SRGAP3: variants seen among roughly 807,000 people sequenced by gnomAD.
The protein encoded by SRGAP3 is SLIT-ROBO Rho GTPase-activating protein 3.
Under a neutral mutation model 121.1 loss-of-function variants are expected in SRGAP3, and 39 were observed. That is an observed-to-expected ratio of 0.32 (90% CI 0.25 to 0.42). The LOEUF (loss-of-function observed/expected upper bound fraction) is 0.42. SRGAP3 is among the 10% of genes least tolerant of loss of function. The pLI is 1.00. For synonymous variants in SRGAP3, 601 were observed against 570.0 expected (o/e 1.05, Z -0.77); for missense variants, 1,213 against 1,470.6 (o/e 0.82, Z 2.86).
intron 1 of SRGAP3, among the ~76,000 whole-genome samples, chr3:9,166,646 T>C (rs1372603218): frequency 2.6e-5 from 4 of 152,058 alleles, no homozygotes; most frequent in East Asian, 1.9e-4. Context: ...CAGAGAGAAA[T>C]TGACTTCTAT....
intron 1 of SRGAP3, among the ~76,000 whole-genome samples, chr3:9,163,557 C>T (rs1950675701): frequency 6.6e-6 from 1 of 152,142 alleles, no homozygotes; most frequent in South Asian, 2.1e-4. Flanking sequence ...CCACTCAGGC[C>T]CAGCTAGAAG....
chr3:9,151,268 G>A (rs1033292850), intron 1 of SRGAP3, among the ~76,000 whole-genome samples: 4 of 152,160 alleles, frequency 2.6e-5, no homozygotes, highest in South Asian at 2.1e-4. Flanking sequence ...GCATACGGGG[G>A]AAGGAAGCAG....
At chr3:9,310,451 C>T (rs999192248) in intron 3 of SRGAP3, among the ~76,000 whole-genome samples, 2 of 152,172 alleles carry the variant, frequency 1.3e-5, no homozygotes, top group African/African-American at 2.4e-5. Context: ...TGTATCCCAT[C>T]TTTGACCACA....
intron 1 of SRGAP3, among the ~76,000 whole-genome samples, chr3:9,133,580 G>C (rs1329537054): frequency 2.0e-5 from 3 of 152,040 alleles, no homozygotes; most frequent in African/African-American, 7.2e-5. Context: ...TCCACTGTAA[G>C]TTTTTTTTAG....
At chr3:9,303,270 C>T (rs751759069) in intron 3 of SRGAP3, among the ~76,000 whole-genome samples, 43 of 152,002 alleles carry the variant, frequency 2.8e-4, no homozygotes, top group Admixed American at 7.9e-4. Context: ...ACTAAAAGTA[C>T]GCAAATTAGC....
At chr3:9,161,233 T>TC (rs1160559218) in intron 1 of SRGAP3, among the ~76,000 whole-genome samples, 1 of 152,216 alleles carries the variant, frequency 6.6e-6, no homozygotes, top group Non-Finnish European at 1.5e-5. Context: ...ACCACCTTAA[T>TC]CAACTGATAA....
intron 1 of SRGAP3, among the ~76,000 whole-genome samples, chr3:9,158,488 C>G (rs537934851): frequency 6.6e-6 from 1 of 152,288 alleles, no homozygotes; most frequent in East Asian, 1.9e-4. Flanking sequence ...GCTGTTTGAA[C>G]AATCATGTTC....
chr3:9,026,194 C>T (rs2125070748), intron 13 of SRGAP3, among the ~76,000 whole-genome samples: 1 of 152,350 alleles, frequency 6.6e-6, no homozygotes, highest in South Asian at 2.1e-4. Context: ...TCGGAGAAAT[C>T]TCTCCTCACC....
chr3:9,192,119 T>C (rs1035549777), intron 1 of SRGAP3, among the ~76,000 whole-genome samples: 5 of 152,160 alleles, frequency 3.3e-5, no homozygotes, highest in Admixed American at 2.6e-4. Flanking sequence ...ATCGTGGATG[T>C]GAGGTATGCA....
intron 11 of SRGAP3, chr3:9,036,185 T>A (rs1417425607): frequency 1.3e-5 from 2 of 152,168 alleles, no homozygotes; most frequent in Non-Finnish European, 2.9e-5. Context: ...CAACACCAGT[T>A]CCTCTATACA....
chr3:9,223,912 T>C (rs556887449), intron 1 of SRGAP3, among the ~76,000 whole-genome samples: 2 of 152,340 alleles, frequency 1.3e-5, no homozygotes, highest in East Asian at 3.9e-4. Flanking sequence ...TGATTCTGGA[T>C]GGAAGACAGG....
At position 9,037,851 on chromosome 3, in the gene SRGAP3, TC is replaced by T; in HGVS notation, c.1436+211del. The T allele has an allele frequency of 4.7e-6, 3 of 640,756 alleles. No individual in the cohort carries two copies. In the South Asian group the frequency reaches 5.8e-5, roughly 12 times the overall value. 39.7% of individuals were successfully genotyped at this position (640,756 alleles called of 1,614,324 possible). ...AGCAGCCCCAAAAGCGCCCCTTCCA[TC>T]GCCAGCCTGGAGGGGCGTGGCTTTG... On this transcript the variant is annotated intron_variant, in intron 11 of 21. Transcript: ENST00000383836.
chr3:8,985,878 G>A lies in SRGAP3; in HGVS notation c.2941C>T (p.Gln981Ter). ...TCTGGCGCCTGCTTGACCGTGTTCT[G>A]CCTCTCGAGTTCCCGCAACTCGTGC... The part of the protein sequence containing the change: ...ALHELRELER[Q>*]NTVKQAPDVV... Residue 981 changes from glutamine (Q) to a stop codon, truncating the protein, a stop_gained, in exon 22 of 22, where the codon CAG becomes TAG. Transcript: ENST00000383836. LOFTEE classifies it high-confidence loss of function. The surrounding 1 kb of genome is among the most constrained non-coding windows in gnomAD (Gnocchi z 5.1). 6.3e-7 allele frequency: 1 copy of A among 1,599,976 alleles called. No homozygotes were observed. Among genetic ancestry groups the A allele is most frequent in the Non-Finnish European group, 8.5e-7 (1 of 1,179,922 alleles).
intron 11 of SRGAP3, chr3:9,035,548 G>A (rs192840543): frequency 3.8e-5 from 7 of 184,428 alleles, no homozygotes; most frequent in South Asian, 2.0e-4. Flanking sequence ...GGGGCAGCTC[G>A]GCCAAGGAAA....
chr3:9,038,704 C>T (rs2125112374), intron 10 of SRGAP3, among the ~76,000 whole-genome samples: 1 of 152,304 alleles, frequency 6.6e-6, no homozygotes, highest in Admixed American at 6.5e-5. Flanking sequence ...ATGTGCATGC[C>T]TCCACGAGGC....
intron 13 of SRGAP3, among the ~76,000 whole-genome samples, chr3:9,026,351 C>T (rs1244051744): frequency 6.6e-6 from 1 of 152,168 alleles, no homozygotes; most frequent in Non-Finnish European, 1.5e-5. Context: ...GTAAGCTATG[C>T]AGGGCAGGCA....
chr3:9,166,669 T>C (rs922127822), intron 1 of SRGAP3, among the ~76,000 whole-genome samples: 26 of 152,218 alleles, frequency 1.7e-4, no homozygotes, highest in African/African-American at 6.0e-4. Flanking sequence ...TATTCAAGCA[T>C]AGTACTTTGG....
intron 15 of SRGAP3, 130 bp from the exon 16 acceptor site, chr3:9,013,972 TCACAG>T (rs1943503882): frequency 1.2e-6 from 1 of 822,842 alleles, no homozygotes; most frequent in Non-Finnish European, 2.1e-6. Flanking sequence ...ATTCCAGGGA[TCACAG>T]GTGATCCTGG....
chr3:9,017,073 T>C (rs937407756), intron 14 of SRGAP3, among the ~76,000 whole-genome samples: 4 of 152,158 alleles, frequency 2.6e-5, no homozygotes, highest in African/African-American at 7.2e-5. Flanking sequence ...TTGATCCAGA[T>C]CTTGAATCAA....
Sources: allele counts gnomAD v4.1 joint callset (sites outside exome capture counted in the v4.1 genomes callset), GRCh38; gene constraint gnomAD v4.1.1; non-coding constraint Gnocchi (gnomAD v3.1); transcripts MANE v1.5; gene names NCBI Gene and HGNC (gene_info 2026-07-23, HGNC 2026-07-21).